The following PDE1A variants were observed in gnomAD, a reference collection of about 807,000 sequenced individuals.
PDE1A encodes the protein phosphodiesterase 1A.
A neutral mutation model predicts 61.7 loss-of-function variants in PDE1A; 35 were observed. The observed-to-expected ratio is 0.57, with a 90% CI of 0.43 to 0.75. The LOEUF is 0.75. PDE1A is among the 30% of genes least tolerant of loss of function. PDE1A has a pLI of 0.00. For missense variants in PDE1A, 597 were observed against 630.6 expected, an observed-to-expected ratio of 0.95 and a Z score of 0.57; for synonymous variants, 232 against 213.2, an observed-to-expected ratio of 1.09 and a Z score of -0.77.
chr2:182,558,691 T>C, the PDE1A span, among the ~76,000 whole-genome samples: 1 of 152,358 alleles, frequency 6.6e-6, no homozygotes, highest in Admixed American at 6.5e-5. Context: ...GAGTGATTTA[T>C]AAAAGCCATG....
the PDE1A span, among the ~76,000 whole-genome samples, chr2:182,658,073 CAAA>C: frequency 8.4e-6 from 1 of 119,564 alleles, no homozygotes; most frequent in East Asian, 2.5e-4. Flanking sequence ...AAAAAAAAAA[CAAA>C]AAAACTTTTC....
rs1240702005 is a variant in PDE1A, at chr2:182,218,207, G to A, written c.776+5657C>T. Among the ~76,000 whole-genome samples, 609 of 147,016 alleles carry A rather than the reference G, an allele frequency of 4.1e-3. 4 individuals are homozygous for A. Among genetic ancestry groups the A allele is most frequent in the African/African-American group, 0.015 (585 of 39,718 alleles). On this transcript the variant is annotated intron_variant, in intron 7 of 13. Transcript: ENST00000351439. ...CACCGCATATTCTCACTCATAGGTGGGAATTGAACAATGAGAACACATGGA... is the reference window on the plus strand; with the variant it reads ...CACCGCATATTCTCACTCATAGGTGAGAATTGAACAATGAGAACACATGGA...
intron 1 of PDE1A, among the ~76,000 whole-genome samples, chr2:182,334,356 C>A (rs566903889): frequency 1.3e-5 from 2 of 151,464 alleles, no homozygotes; most frequent in East Asian, 1.9e-4. Flanking sequence ...CCCTGATGAA[C>A]ATCGATGCAA....
intron 1 of PDE1A, among the ~76,000 whole-genome samples, chr2:182,294,009 T>C (rs1172871159): frequency 6.6e-6 from 1 of 152,176 alleles, no homozygotes; most frequent in African/African-American, 2.4e-5. Context: ...TGATGACTGA[T>C]GGGTAAGTAG....
At chr2:182,668,504 C>A in the PDE1A span, among the ~76,000 whole-genome samples, 1 of 151,742 alleles carries the variant, frequency 6.6e-6, no homozygotes, top group African/African-American at 2.4e-5. Context: ...ACATGCATAC[C>A]CCTAGACAGT....
At chr2:182,677,490 C>G in the PDE1A span, among the ~76,000 whole-genome samples, 1 of 152,082 alleles carries the variant, frequency 6.6e-6, no homozygotes, top group African/African-American at 2.4e-5. Flanking sequence ...CCAAATGATT[C>G]GATGTTATTC....
At chr2:182,317,709 CG>C (rs1696431864) in intron 1 of PDE1A, among the ~76,000 whole-genome samples, 1 of 152,126 alleles carries the variant, frequency 6.6e-6, no homozygotes, top group Admixed American at 6.6e-5. Flanking sequence ...AGTGTGGTAA[CG>C]GGGCAGGGAC....
At chr2:182,492,102 T>C (rs1688431137) in intron 2 of PDE1A, among the ~76,000 whole-genome samples, 1 of 152,158 alleles carries the variant, frequency 6.6e-6, no homozygotes, top group Non-Finnish European at 1.5e-5. Context: ...CCAATATCAA[T>C]ACAGTTGCCC....
chr2:182,330,078 C>T (rs1291836094), intron 1 of PDE1A, among the ~76,000 whole-genome samples: 3 of 151,952 alleles, frequency 2.0e-5, no homozygotes, highest in Non-Finnish European at 4.4e-5. Context: ...CATCGTGGCT[C>T]AACGTCTGTA....
the PDE1A span, among the ~76,000 whole-genome samples, chr2:182,610,100 AAAG>A: frequency 4.6e-5 from 7 of 151,976 alleles, no homozygotes; most frequent in South Asian, 2.1e-4. Context: ...AAAAAAAAAA[AAAG>A]AAAGAAATGC....
At chr2:182,450,628 T>C (rs1376818781) in intron 2 of PDE1A, among the ~76,000 whole-genome samples, 1 of 151,956 alleles carries the variant, frequency 6.6e-6, no homozygotes, top group African/African-American at 2.4e-5. Context: ...CTGGTTAAGA[T>C]CAAATCAGGC....
At chr2:182,695,936 G>GCCAAAATCCAGAACACTGACAACA in the PDE1A span, among the ~76,000 whole-genome samples, 3 of 152,120 alleles carry the variant, frequency 2.0e-5, no homozygotes, top group Admixed American at 1.3e-4. Flanking sequence ...TATCAGAATG[G>GCCAAAATCCAGAACACTGACAACA]CCAAAATCCA....
chr2:182,378,320 T>G (rs1418997859), intron 1 of PDE1A, among the ~76,000 whole-genome samples: 2 of 152,122 alleles, frequency 1.3e-5, no homozygotes, highest in African/African-American at 4.8e-5. Context: ...TTGAACAAGA[T>G]TGTTTCTGGG....
the PDE1A span, among the ~76,000 whole-genome samples, chr2:182,622,303 T>A: frequency 6.6e-6 from 1 of 152,178 alleles, no homozygotes; most frequent in Non-Finnish European, 1.5e-5. Flanking sequence ...AATACTGATT[T>A]AATTTATCAG....
At chr2:182,692,121 C>T in the PDE1A span, among the ~76,000 whole-genome samples, 1 of 152,150 alleles carries the variant, frequency 6.6e-6, no homozygotes, top group Non-Finnish European at 1.5e-5. Context: ...TGTGGCGATT[C>T]CTCGGGGATC....
intron 1 of PDE1A, among the ~76,000 whole-genome samples, chr2:182,403,237 G>A (rs1040485701): frequency 6.8e-4 from 104 of 152,196 alleles, no homozygotes; most frequent in African/African-American, 2.3e-3. Context: ...TATTTATTGC[G>A]GCACTGTTTA....
chr2:182,389,204 T>C lies in PDE1A; in HGVS notation c.53+37374A>G, dbSNP rs192496866. Among the ~76,000 whole-genome samples the C allele has an allele frequency of 2.6e-5, 4 of 152,288 alleles. No homozygotes were observed. The East Asian group carries it at 7.7e-4, about 29-fold the overall frequency. ...CTGTGTCAATGCAGTCTTTTTTACATTATTAACTAAAGAAAAATGAGTGCT... is the reference window on the plus strand; with the variant it reads ...CTGTGTCAATGCAGTCTTTTTTACACTATTAACTAAAGAAAAATGAGTGCT... On this transcript the variant is annotated intron_variant, in intron 1 of 13. Transcript: ENST00000351439.
the PDE1A span, among the ~76,000 whole-genome samples, chr2:182,640,691 A>T: frequency 6.6e-6 from 1 of 152,238 alleles, no homozygotes; most frequent in South Asian, 2.1e-4. Flanking sequence ...TCATGAAAGC[A>T]ACCACTAGAA....
At chr2:182,462,923 C>T (rs1203463537) in intron 2 of PDE1A, among the ~76,000 whole-genome samples, 1 of 152,076 alleles carries the variant, frequency 6.6e-6, no homozygotes, top group African/African-American at 2.4e-5. Context: ...TAATTTTCTG[C>T]ATTGTATTAA....
Sources: gnomAD v4.1 joint callset for allele counts (sites outside exome capture counted in the v4.1 genomes callset) on GRCh38, gnomAD v4.1.1 for gene constraint, MANE v1.5 for transcripts, NCBI Gene and HGNC (gene_info 2026-07-23, HGNC 2026-07-21) for gene names.